Variants in RANBP1 observed in about 807,000 individuals in gnomAD.
RANBP1 encodes RAN binding protein 1, also known as ran-specific GTPase-activating protein.
Under a neutral mutation model 31.4 loss-of-function variants are expected in RANBP1, and 16 were observed. The ratio of observed to expected loss-of-function variants is 0.51; its 90% CI spans 0.34 to 0.77. The LOEUF is 0.77. RANBP1 is among the 30% of genes least tolerant of loss of function. RANBP1 has a pLI of 0.01. For missense variants in RANBP1, 265 were observed against 362.0 expected (o/e 0.73, Z 2.17); for synonymous variants, 129 against 140.5 (o/e 0.92, Z 0.58).
At chr22:20,120,375 T>C (rs1725146413) in intron 2 of RANBP1, among the ~76,000 whole-genome samples, 1 of 152,218 alleles carries the variant, frequency 6.6e-6, no homozygotes, top group Admixed American at 6.5e-5. Flanking sequence ...TGCTTGCCTC[T>C]GTTCCCTCAC....
chr22:20,126,416 C>T, intron 5 of RANBP1, 48 bp downstream of exon 5: 2 of 1,613,458 alleles, frequency 1.2e-6, no homozygotes, highest in Non-Finnish European at 1.7e-6. Flanking sequence ...ACTCACTCTG[C>T]ATCTGACTAT....
At chr22:20,116,479 G>A (rs1249082679) in intron 1 of RANBP1, 49 bp downstream of exon 1, 13 of 1,612,852 alleles carry the variant, frequency 8.1e-6, no homozygotes, top group Non-Finnish European at 9.3e-6. Context: ...CTGAGGCCCC[G>A]GCCCTGTAGC....
intron 3 of RANBP1, among the ~76,000 whole-genome samples, chr22:20,123,438 G>A (rs536092689): frequency 2.1e-5 from 2 of 93,344 alleles, no homozygotes; most frequent in Admixed American, 1.0e-4. Context: ...TGTTGGGGGG[G>A]GTGTGTGGTG....
chr22:20,117,514 G>A, intron 1 of RANBP1: 2 of 1,313,308 alleles, frequency 1.5e-6, no homozygotes, highest in Admixed American at 3.9e-5. Flanking sequence ...GGTTCGGGTC[G>A]TGGGGCGGAG....
rs1157725526 is a variant in RANBP1 at position 20,125,448 on chromosome 22, G to C, written c.670+12G>C. On this transcript the variant is annotated intron_variant, in intron 4 of 5. Transcript: ENST00000430524. ...CCTGAATGCTGAGAGTGAGCCAAGG[G>C]CCCTGGGGACCTGCCTGACTTGGGG... 1 of 1,595,962 alleles carries C rather than the reference G, an allele frequency of 6.3e-7. No individual in the cohort carries two copies.
At chr22:20,117,024 C>A in intron 1 of RANBP1, 2 of 1,356,354 alleles carry the variant, frequency 1.5e-6, no homozygotes, top group South Asian at 2.6e-5. Context: ...AGGGGAGGTG[C>A]TCACAGAGCC....
chr22:20,118,849 C>A (rs933585535), intron 1 of RANBP1, among the ~76,000 whole-genome samples, 164 bp from the exon 2 acceptor site: 2 of 152,224 alleles, frequency 1.3e-5, no homozygotes, highest in African/African-American at 4.8e-5. Flanking sequence ...GCAGAGCTTT[C>A]CTAGTGTGGA....
At chr22:20,122,972 A>G (rs1305773552) in intron 3 of RANBP1, among the ~76,000 whole-genome samples, 3 of 38,964 alleles carry the variant, frequency 7.7e-5, no homozygotes, top group African/African-American at 3.4e-4. Context: ...GGGGGTGTGT[A>G]GTTGGTCTGG....
chr22:20,124,965 C>T (rs747128845), intron 3 of RANBP1: 58 of 325,510 alleles, frequency 1.8e-4, no homozygotes, highest in Non-Finnish European at 3.2e-4. Context: ...GCTTTGCCAG[C>T]TCTGCTTCTC....
At position 20,119,680 on chromosome 22, in the gene RANBP1, T is replaced by A. The variant is rs556905361; in HGVS notation, c.383+531T>A. On this transcript the variant is annotated intron_variant, in intron 2 of 5. Coordinates refer to ENST00000430524, the MANE Select transcript of RANBP1 (RefSeq NM_001278639.2). Reference sequence around the variant, plus strand: ...ACAGGCACCCGCCACCACGCCCAGCTAATTTTTTGTATTTTTAGTAGAGAC... The same window carrying A: ...ACAGGCACCCGCCACCACGCCCAGCAAATTTTTTGTATTTTTAGTAGAGAC... 7.9e-5 allele frequency among the ~76,000 whole-genome samples: 12 copies of A among 152,244 alleles called. No homozygotes were observed. In the South Asian group the frequency reaches 1.7e-3, roughly 21 times the overall value.
intron 2 of RANBP1, among the ~76,000 whole-genome samples, chr22:20,120,673 G>A (rs2050152356): frequency 6.6e-6 from 1 of 152,226 alleles, no homozygotes; most frequent in Admixed American, 6.5e-5. Context: ...CTCCTGGGCA[G>A]GAGGGCCAGG....
At chr22:20,123,331 C>T (rs1160926887) in intron 3 of RANBP1, among the ~76,000 whole-genome samples, 1 of 67,692 alleles carries the variant, frequency 1.5e-5, no homozygotes, top group Non-Finnish European at 2.5e-5. Flanking sequence ...TGTGTGGTGT[C>T]TGGGGGTGTT....
At chr22:20,117,491 G>A (rs1248783435) in intron 1 of RANBP1, 23 of 1,257,080 alleles carry the variant, frequency 1.8e-5, no homozygotes, top group Non-Finnish European at 1.9e-5. Context: ...CCGCCGCTGG[G>A]GTCAGGGGTC....
chr22:20,116,231 CT>C lies in RANBP1; in HGVS notation c.50del (p.Phe17SerfsTer49). Reference protein sequence around the residue: ...GRARRTLSGRPFQRAPCKTRR... With the variant: ...GRARRTLSGRXFQRAPCKTRR... ...GCCAGGCGCACACTGAGTGGGCGGC[CT>C]TTCCAGAGGGCACCATGCAAAACGC... On this transcript the variant is annotated frameshift_variant, in exon 1 of 6. Transcript: ENST00000430524. LOFTEE classifies it high-confidence loss of function. The C allele has an allele frequency of 1.2e-6, 2 of 1,612,992 alleles. No individual in the cohort carries two copies. The highest frequency in any genetic ancestry group is 1.7e-6 in the Non-Finnish European group (2 of 1,180,018).
intron 1 of RANBP1, chr22:20,117,384 G>C: frequency 8.3e-7 from 1 of 1,212,014 alleles, no homozygotes; most frequent in Non-Finnish European, 1.0e-6. Context: ...CATGCGCCGC[G>C]GGCGTTTTGG....
intron 1 of RANBP1, chr22:20,117,360 ACGGG>A (rs2050059282): frequency 8.2e-7 from 1 of 1,215,568 alleles, no homozygotes; most frequent in African/African-American, 1.6e-5. Context: ...CCTCTGGCTG[ACGGG>A]CGGGCCGGGC....
intron 3 of RANBP1, 74 bp from the exon 4 acceptor site, chr22:20,125,234 G>A: frequency 6.4e-7 from 1 of 1,569,890 alleles, no homozygotes; most frequent in Non-Finnish European, 8.7e-7. Flanking sequence ...TGAGCAGGGT[G>A]CTCTGTGGCC....
chr22:20,118,054 CTTCA>C (rs1033235461), intron 1 of RANBP1: 4 of 995,228 alleles, frequency 4.0e-6, no homozygotes, highest in African/African-American at 3.5e-5. Context: ...CCACGCAGCA[CTTCA>C]TTCATTCGGT....
At position 20,122,933 on chromosome 22, in the gene RANBP1, C is replaced by T. The variant is rs1340103320; in HGVS notation, c.541+512C>T. 2.6e-4 allele frequency among the ~76,000 whole-genome samples: 11 copies of T among 43,068 alleles called. No individual in the cohort carries two copies. In the East Asian group the frequency reaches 4.8e-3, roughly 19 times the overall value. The allele number at this position is 43,068 out of a possible 152,430, so 28.3% of individuals were successfully genotyped here. The stretch of plus-strand genomic sequence containing the variant: ...GTCTGAAGGTGTGTGGTGTCTGGGG[C>T]GGGGGTTGTGTGGTTGGGTGTGGTG... On this transcript the variant is annotated intron_variant, in intron 3 of 5. Coordinates refer to ENST00000430524, the MANE Select transcript of RANBP1 (RefSeq NM_001278639.2).
Sources: gnomAD v4.1 joint callset for allele counts (sites outside exome capture counted in the v4.1 genomes callset) on GRCh38, gnomAD v4.1.1 for gene constraint, MANE v1.5 for transcripts, NCBI Gene and HGNC (gene_info 2026-07-23, HGNC 2026-07-21) for gene names.